Variants in ATP6V1B2 observed in about 807,000 individuals in gnomAD.
ATP6V1B2 encodes the protein V-type proton ATPase subunit B, brain isoform.
In ATP6V1B2, 23 loss-of-function variants were observed where a neutral mutation model predicts 66.7. That is an observed-to-expected ratio of 0.34 (90% CI 0.25 to 0.49). The LOEUF (loss-of-function observed/expected upper bound fraction) is 0.49. Among genes scored for constraint, ATP6V1B2 ranks in the 20% least tolerant of loss-of-function variants. ATP6V1B2 has a pLI of 0.99. For missense variants in ATP6V1B2, 478 were observed against 650.8 expected, an observed-to-expected ratio of 0.73 and a Z score of 2.89; for synonymous variants, 278 against 236.7, an observed-to-expected ratio of 1.17 and a Z score of -1.60.
At chr8:20,200,215 C>T (rs1418248588) in intron 1 of ATP6V1B2, among the ~76,000 whole-genome samples, 3 of 150,616 alleles carry the variant, frequency 2.0e-5, no homozygotes, top group Non-Finnish European at 4.4e-5. Context: ...ATGGGATTTC[C>T]CCATGTTGCC....
chr8:20,215,929 T>A (rs1284793297), intron 10 of ATP6V1B2: 2 of 153,352 alleles, frequency 1.3e-5, no homozygotes, highest in Non-Finnish European at 2.9e-5. Context: ...ATGTTCTTAG[T>A]ATACATCAGG....
In ATP6V1B2 at chr8:20,220,315, A is replaced by G. The variant is rs1216504570; in HGVS notation, c.1449A>G (p.Leu483=). Residue 483 remains leucine, a synonymous_variant, in exon 14 of 14, where the codon CTA becomes CTG. Transcript: ENST00000276390. Reference sequence around the variant, plus strand: ...AGACTTTGGACATTGGCTGGCAGCTACTCCGAATCTTCCCCAAAGAAATGC... The same window carrying G: ...AGACTTTGGACATTGGCTGGCAGCTGCTCCGAATCTTCCCCAAAGAAATGC... ...VFETLDIGWQ[L]LRIFPKEMLK... is the part of the protein sequence containing the mutation. 6.2e-7 allele frequency: 1 copy of G among 1,605,608 alleles called. No individual in the cohort carries two copies. The highest frequency in any genetic ancestry group is 8.5e-7 in the Non-Finnish European group (1 of 1,177,678).
intron 9 of ATP6V1B2, 149 bp from the exon 10 acceptor site, chr8:20,214,669 A>C (rs1234395735): frequency 1.2e-6 from 1 of 860,520 alleles, no homozygotes; most frequent in African/African-American, 1.8e-5. Flanking sequence ...TGTTGCCGGG[A>C]GATTTTTCTA....
intron 12 of ATP6V1B2, among the ~76,000 whole-genome samples, chr8:20,217,679 C>T (rs990526316): frequency 6.6e-6 from 1 of 152,120 alleles, no homozygotes; most frequent in Admixed American, 6.5e-5. Context: ...AAGCCGTCAC[C>T]AGAACACTAA....
chr8:20,215,132 A>G (rs994367454), intron 10 of ATP6V1B2, 164 bp downstream of exon 10: 60 of 829,486 alleles, frequency 7.2e-5, no homozygotes, highest in Non-Finnish European at 1.0e-4. Context: ...ACCCACAGTT[A>G]TTATCCTATT....
At chr8:20,220,177 C>T in intron 13 of ATP6V1B2, 86 bp from the exon 14 acceptor site, 2 of 1,446,794 alleles carry the variant, frequency 1.4e-6, no homozygotes, top group Non-Finnish European at 9.3e-7. Flanking sequence ...ATTTAATACA[C>T]TGCTAGTCAT....
At chr8:20,212,963 C>G in intron 9 of ATP6V1B2, 58 bp downstream of exon 9, 2 of 1,602,988 alleles carry the variant, frequency 1.2e-6, no homozygotes, top group Non-Finnish European at 1.7e-6. Flanking sequence ...TCAGGGTTAA[C>G]TTGTCACTTT....
At chr8:20,210,504 T>C (rs1186557077) in intron 4 of ATP6V1B2, 65 bp downstream of exon 4, 24 of 1,607,340 alleles carry the variant, frequency 1.5e-5, no homozygotes, top group Non-Finnish European at 2.0e-5. Context: ...CCATAATGTC[T>C]TTTAAAAATT....
intron 2 of ATP6V1B2, among the ~76,000 whole-genome samples, chr8:20,208,576 T>G (rs2072761228): frequency 1.3e-5 from 2 of 152,194 alleles, no homozygotes; most frequent in Admixed American, 1.3e-4. Context: ...TCACCAAACT[T>G]CATTTTTTGG....
intron 1 of ATP6V1B2, chr8:20,203,865 C>G (rs570882011): frequency 2.2e-4 from 88 of 398,134 alleles, no homozygotes; most frequent in African/African-American, 1.8e-3. Flanking sequence ...TTGTTTGACC[C>G]CCTGGCCTTT....
chr8:20,201,026 G>C (rs530838895), intron 1 of ATP6V1B2, among the ~76,000 whole-genome samples: 1 of 152,338 alleles, frequency 6.6e-6, no homozygotes, highest in Non-Finnish European at 1.5e-5. Flanking sequence ...AGGAGGAAGA[G>C]GATGTCATCT....
At chr8:20,207,936 A>G (rs996586586) in intron 2 of ATP6V1B2, among the ~76,000 whole-genome samples, 4 of 152,260 alleles carry the variant, frequency 2.6e-5, no homozygotes, top group African/African-American at 9.6e-5. Flanking sequence ...AGTAATATGA[A>G]TGAATAATTG....
At chr8:20,198,466 A>G (rs1184705353) in intron 1 of ATP6V1B2, among the ~76,000 whole-genome samples, 1 of 152,252 alleles carries the variant, frequency 6.6e-6, no homozygotes, top group Non-Finnish European at 1.5e-5. Context: ...CAGCAATTCC[A>G]AAAGAAATGG....
At chr8:20,201,120 G>T (rs902360618) in intron 1 of ATP6V1B2, among the ~76,000 whole-genome samples, 7 of 152,186 alleles carry the variant, frequency 4.6e-5, no homozygotes, top group African/African-American at 1.7e-4. Context: ...TCATATGATA[G>T]TTCAGAATCA....
chr8:20,216,789 T>C (rs1321511944), intron 11 of ATP6V1B2: 1 of 283,462 alleles, frequency 3.5e-6, no homozygotes, highest in Non-Finnish European at 6.6e-6. Context: ...AATCTTGTTA[T>C]TGATAGAAAA....
intron 1 of ATP6V1B2, chr8:20,204,187 A>C (rs568138090): frequency 5.7e-4 from 234 of 408,550 alleles, no homozygotes; most frequent in Admixed American, 2.4e-3. Flanking sequence ...CTCGCATAAG[A>C]CTGAACTTTT....
chr8:20,203,765 T>TG (rs576766158), intron 1 of ATP6V1B2, among the ~76,000 whole-genome samples: 6 of 152,146 alleles, frequency 3.9e-5, no homozygotes, highest in Non-Finnish European at 8.8e-5. Context: ...AATTAGCTGT[T>TG]TATTCCTAGG....
Position 20,217,296 on chromosome 8 carries a change from A to G in ATP6V1B2, c.1238A>G (p.Lys413Arg). Residue 413 changes from lysine to arginine, a missense_variant, in exon 12 of 14, where the codon AAG becomes AGG. By Grantham distance (26) the Lys-to-Arg change is conservative. Coordinates refer to ENST00000276390, the MANE Select transcript of ATP6V1B2 (RefSeq NM_001693.4). ...GCTATTGGAGAAGGGATGACCAGGAAGGATCATGCCGATGTATCTAACCAG... is the reference window on the plus strand; with the variant it reads ...GCTATTGGAGAAGGGATGACCAGGAGGGATCATGCCGATGTATCTAACCAG... ...KSAIGEGMTR[K>R]DHADVSNQLY... 1 of 1,612,732 alleles carries G rather than the reference A, an allele frequency of 6.2e-7. No homozygotes were observed. The highest frequency in any genetic ancestry group is 8.5e-7 in the Non-Finnish European group (1 of 1,178,864).
intron 8 of ATP6V1B2, 133 bp from the exon 9 acceptor site, chr8:20,212,649 A>G (rs1300656721): frequency 5.4e-6 from 7 of 1,288,536 alleles, no homozygotes; most frequent in Admixed American, 2.6e-5. Flanking sequence ...TAAAATAACA[A>G]CTGCTTTACT....
Sources: gnomAD v4.1 joint callset for allele counts (sites outside exome capture counted in the v4.1 genomes callset) on GRCh38, gnomAD v4.1.1 for gene constraint, MANE v1.5 for transcripts, NCBI Gene and HGNC (gene_info 2026-07-23, HGNC 2026-07-21) for gene names.